The following C11orf65 variants were observed in gnomAD, a reference collection of about 807,000 sequenced individuals.
C11orf65 encodes chromosome 11 open reading frame 65, also known as protein MFI.
C11orf65 carries 38 observed loss-of-function variants against 35.3 expected under a neutral mutation model. The observed-to-expected ratio is 1.08, with a 90% CI of 0.83 to 1.41. C11orf65 has a LOEUF of 1.41. C11orf65 is among the 40% of genes most tolerant of loss of function. C11orf65 has a pLI of 0.00. For synonymous variants in C11orf65, 105 were observed against 114.4 expected (o/e 0.92, Z 0.53); for missense variants, 370 against 367.1 (o/e 1.01, Z -0.06).
chr11:108,325,424 C>A lies in C11orf65; in HGVS notation c.641-16353G>T, dbSNP rs1442555144. The A allele has an allele frequency of 5.6e-6, 9 of 1,613,678 alleles. No individual in the cohort carries two copies. Among genetic ancestry groups the A allele is most frequent in the Non-Finnish European group, 7.6e-6 (9 of 1,179,800 alleles). ...AGCCTATCATGGCTCTACGCACAGT[C>A]ATTTTGGAGATCCTGATGGAAAAGG... On this transcript the variant is annotated intron_variant, in intron 6 of 6. Coordinates refer to the C11orf65 transcript ENST00000525729.
downstream of C11orf65, among the ~76,000 whole-genome samples, chr11:108,328,174 A>G (rs911139206): frequency 6.6e-6 from 1 of 152,212 alleles, no homozygotes; most frequent in Non-Finnish European, 1.5e-5. Context: ...TTATTCCTTT[A>G]GATTCACTAA....
chr11:108,467,009 C>T (rs995826573), intron 1 of C11orf65, among the ~76,000 whole-genome samples: 1 of 152,124 alleles, frequency 6.6e-6, no homozygotes, highest in Admixed American at 6.5e-5. Context: ...TTTAAAAACG[C>T]GTTTCCCTTT....
chr11:108,372,680 A>G (rs148573557), intron 2 of C11orf65, among the ~76,000 whole-genome samples: 93 of 152,328 alleles, frequency 6.1e-4, no homozygotes, highest in South Asian at 1.7e-3. Context: ...ACAGAAAATA[A>G]TTGTGGTAAG....
intron 2 of C11orf65, among the ~76,000 whole-genome samples, chr11:108,450,391 T>C (rs898010501): frequency 3.3e-5 from 5 of 151,438 alleles, no homozygotes; most frequent in African/African-American, 1.2e-4. Context: ...CTAACAACGA[T>C]AGACTGGATT....
chr11:108,466,563 A>G (rs1280189157), intron 1 of C11orf65, among the ~76,000 whole-genome samples: 4 of 152,222 alleles, frequency 2.6e-5, no homozygotes, highest in Non-Finnish European at 5.9e-5. Context: ...ACACAGCGAG[A>G]TGCCTTCTCA....
chr11:108,460,257 T>A lies in C11orf65; in HGVS notation c.81+1222A>T, dbSNP rs571189716. Among the ~76,000 whole-genome samples, 17 of 152,320 alleles carry A rather than the reference T, an allele frequency of 1.1e-4. No individual in the cohort carries two copies. The South Asian group carries it at 3.3e-3, about 30-fold the overall frequency. ...TCTTGTAAGCCATAAAACCTTTGTA[T>A]CAGTGTGTGCTAGAAACAGAGCCAT... On this transcript the variant is annotated intron_variant, in intron 2 of 8. Coordinates refer to ENST00000393084, the MANE Select transcript of C11orf65 (RefSeq NM_152587.5).
At chr11:108,372,751 C>A (rs2091606612) in intron 2 of C11orf65, among the ~76,000 whole-genome samples, 2 of 151,950 alleles carry the variant, frequency 1.3e-5, no homozygotes, top group Non-Finnish European at 2.9e-5. Context: ...TTAGAATAAC[C>A]CATTTTATGA....
At chr11:108,428,823 A>G (rs1263940084) in intron 3 of C11orf65, among the ~76,000 whole-genome samples, 3 of 152,160 alleles carry the variant, frequency 2.0e-5, no homozygotes, top group African/African-American at 4.8e-5. Flanking sequence ...AAACAAACAA[A>G]CAAACAAAAA....
intron 3 of C11orf65, among the ~76,000 whole-genome samples, chr11:108,411,335 C>T (rs2092653375): frequency 6.6e-6 from 1 of 152,118 alleles, no homozygotes; most frequent in Non-Finnish European, 1.5e-5. Context: ...AAAACATTCT[C>T]TGTGATTTCA....
intron 7 of C11orf65, among the ~76,000 whole-genome samples, chr11:108,389,001 T>A (rs1039095871): frequency 1.1e-4 from 16 of 152,252 alleles, no homozygotes; most frequent in Admixed American, 2.6e-4. Context: ...AGAGCATCGG[T>A]CTGTCATAAC....
chr11:108,330,405 T>G (rs779810877), downstream of C11orf65: 1 of 1,614,174 alleles, frequency 6.2e-7, no homozygotes, highest in Non-Finnish European at 8.5e-7. Context: ...GTTTCTGAAG[T>G]CAATGGCATG....
At chr11:108,372,061 T>A (rs886260969) in intron 2 of C11orf65, among the ~76,000 whole-genome samples, 2 of 152,240 alleles carry the variant, frequency 1.3e-5, no homozygotes, top group Non-Finnish European at 2.9e-5. Context: ...GTATTGTTGT[T>A]AACCTTGTTA....
rs115668440 is a variant in C11orf65, at chr11:108,420,260, T to C, written c.174+11486A>G. Among the ~76,000 whole-genome samples, 838 of 152,322 alleles carry C rather than the reference T, an allele frequency of 5.5e-3. 8 individuals are homozygous for C. The highest frequency in any genetic ancestry group is 0.019 in the African/African-American group (790 of 41,556). On this transcript the variant is annotated intron_variant, in intron 3 of 8. Transcript: ENST00000393084. ...TAGAAGAACTAAATAACATTTCAAA[T>C]TAGGTTTTCCAAAAGAAGATGCTTA... is the stretch of plus-strand genomic sequence containing the variant.
intron 2 of C11orf65, among the ~76,000 whole-genome samples, chr11:108,447,685 A>T (rs1418023898): frequency 6.6e-6 from 1 of 152,178 alleles, no homozygotes; most frequent in Non-Finnish European, 1.5e-5. Flanking sequence ...GAAAGCAGGA[A>T]AGATCCAAAA....
chr11:108,429,425 T>C (rs367924724), intron 3 of C11orf65, among the ~76,000 whole-genome samples: 41 of 138,686 alleles, frequency 3.0e-4, no homozygotes, highest in African/African-American at 1.1e-3. Context: ...ATAATAAAAA[T>C]CAAAGGAAAG....
chr11:108,349,772 T>C (rs886309152), intron 2 of C11orf65, among the ~76,000 whole-genome samples: 5 of 152,230 alleles, frequency 3.3e-5, no homozygotes, highest in Middle Eastern at 3.4e-3. Context: ...TTTTTTAAGA[T>C]AGGAGAGGTT....
At chr11:108,452,583 A>T (rs1200739841) in intron 2 of C11orf65, among the ~76,000 whole-genome samples, 1 of 152,200 alleles carries the variant, frequency 6.6e-6, no homozygotes, top group Non-Finnish European at 1.5e-5. Context: ...ATTGTAGAAG[A>T]CAGTGTGGCA....
rs149387592 is a variant in C11orf65, at chr11:108,450,897, T to C, written c.81+10582A>G. ...TAATCCAGCATATAAACAGAACCAA[T>C]TACAAAAACCACATGATTATCTCAA... On this transcript the variant is annotated intron_variant, in intron 2 of 8. Transcript: ENST00000393084. 4.9e-4 allele frequency among the ~76,000 whole-genome samples: 74 copies of C among 151,914 alleles called. No individual in the cohort carries two copies. The East Asian group carries it at 0.013, about 28-fold the overall frequency.
chr11:108,402,634 TAC>T (rs1260911896), intron 6 of C11orf65, among the ~76,000 whole-genome samples: 1 of 149,392 alleles, frequency 6.7e-6, no homozygotes, highest in East Asian at 1.9e-4. Flanking sequence ...TTGTACAATG[TAC>T]AGTTTTGACA....
Sources: gnomAD v4.1 joint callset for allele counts (sites outside exome capture counted in the v4.1 genomes callset) on GRCh38, gnomAD v4.1.1 for gene constraint, MANE v1.5 for transcripts, NCBI Gene and HGNC (gene_info 2026-07-23, HGNC 2026-07-21) for gene names.